KLHL5: variants seen among roughly 807,000 people sequenced by gnomAD.
The protein encoded by KLHL5 is kelch-like protein 5.
Under a neutral mutation model 77.7 loss-of-function variants are expected in KLHL5, and 48 were observed. That is an observed-to-expected ratio of 0.62 (90% CI 0.49 to 0.79). The LOEUF is 0.79. Among genes scored for constraint, KLHL5 ranks in the 30% least tolerant of loss-of-function variants. KLHL5 has a pLI of 0.00. For missense variants in KLHL5, 723 were observed against 859.7 expected (o/e 0.84, Z 1.99); for synonymous variants, 260 against 297.0 (o/e 0.88, Z 1.28).
intron 7 of KLHL5, among the ~76,000 whole-genome samples, chr4:39,105,649 T>C (rs1043125128): frequency 2.0e-5 from 3 of 151,424 alleles, no homozygotes; most frequent in African/African-American, 4.9e-5. Context: ...TTTATATATA[T>C]ACACATATAA....
chr4:39,069,473 TACACACAC>T (rs57779550), intron 1 of KLHL5, among the ~76,000 whole-genome samples: 2 of 70,332 alleles, frequency 2.8e-5, no homozygotes, highest in East Asian at 5.5e-4. Flanking sequence ...TATATATATA[TACACACAC>T]ACACACACAC....
rs1221241554 is a variant in KLHL5, at chr4:39,112,449, A to G, written c.1689-571A>G. ...TGTCCAACTGTTCATTAATGAAACT[A>G]TGTGTCCCAATTCTGCTGCTTACTG... On this transcript the variant is annotated intron_variant, in intron 8 of 10. Transcript: ENST00000504108. Among the ~76,000 whole-genome samples the G allele has an allele frequency of 4.6e-5, 7 of 152,296 alleles. No homozygotes were observed. In the East Asian group the frequency reaches 9.7e-4, roughly 21 times the overall value.
rs1237988458 is a variant in KLHL5, at chr4:39,126,075, G to A, written c.*5009G>A. Among the ~76,000 whole-genome samples the A allele has an allele frequency of 1.3e-5, 2 of 152,094 alleles. No homozygotes were observed. The highest frequency in any genetic ancestry group is 2.4e-5 in the African/African-American group (1 of 41,412). ...CGAGAACCATGAGGGGAGAGTTAAC[G>A]GGGAACTTCCCCACCGTCCGGTACA... is the stretch of plus-strand genomic sequence containing the variant. On this transcript the variant is annotated 3_prime_UTR_variant, in exon 11 of 11. Transcript: ENST00000504108.
At chr4:39,066,343 C>G (rs943018435) in intron 1 of KLHL5, among the ~76,000 whole-genome samples, 1 of 152,042 alleles carries the variant, frequency 6.6e-6, no homozygotes, top group Non-Finnish European at 1.5e-5. Context: ...TTTATACTTC[C>G]CTTGATTTAC....
chr4:39,079,350 C>T (rs910931618), intron 2 of KLHL5, among the ~76,000 whole-genome samples: 1 of 152,154 alleles, frequency 6.6e-6, no homozygotes, highest in Admixed American at 6.5e-5. Flanking sequence ...AAAGTACATG[C>T]AATGGCGTAC....
downstream of KLHL5, among the ~76,000 whole-genome samples, chr4:39,129,126 A>G (rs368636737): frequency 2.0e-5 from 3 of 149,428 alleles, no homozygotes; most frequent in African/African-American, 7.4e-5. This position sits in a 1 kb window ranked among gnomAD's most constrained non-coding sequence, Gnocchi z 4.2. Flanking sequence ...TAAGCGGTCT[A>G]TTTTCTCTTC....
intron 8 of KLHL5, among the ~76,000 whole-genome samples, chr4:39,109,471 G>C (rs567620485): frequency 5.3e-4 from 81 of 151,926 alleles, no homozygotes; most frequent in African/African-American, 1.9e-3. Flanking sequence ...GCTAATTTTT[G>C]TATATTTTGT....
intron 1 of KLHL5, among the ~76,000 whole-genome samples, chr4:39,047,917 C>G (rs982108374): frequency 2.0e-5 from 3 of 152,212 alleles, no homozygotes; most frequent in Admixed American, 2.0e-4. Context: ...TGTGTCACTG[C>G]TGTATGTGCA....
chr4:39,141,434 G>A, the KLHL5 span, among the ~76,000 whole-genome samples: 1 of 149,328 alleles, frequency 6.7e-6, no homozygotes, highest in African/African-American at 2.5e-5. Context: ...TCAGCCTCTC[G>A]AGTAGCTGGG....
chr4:39,050,693 G>A (rs1049597719), intron 1 of KLHL5, among the ~76,000 whole-genome samples: 2 of 152,204 alleles, frequency 1.3e-5, no homozygotes, highest in African/African-American at 4.8e-5. Context: ...TAACAAATTA[G>A]TGTAATTGAC....
chr4:39,103,795 CA>C (rs34699505), intron 7 of KLHL5, among the ~76,000 whole-genome samples: 71,389 of 150,576 alleles, frequency 0.47, 17,733 homozygotes, highest in Admixed American at 0.56. Context: ...AAAGTCTCTA[CA>C]AAAAATTTAA....
upstream of KLHL5, among the ~76,000 whole-genome samples, chr4:39,061,994 G>A (rs12500509): frequency 5.9e-5 from 9 of 152,056 alleles, no homozygotes; most frequent in African/African-American, 2.2e-4. Context: ...TTTGTACTCC[G>A]CTTTCCTCCT....
chr4:39,063,526 A>T (rs1232988044), intron 1 of KLHL5: 1 of 424,182 alleles, frequency 2.4e-6, no homozygotes, highest in Admixed American at 2.4e-5. Context: ...AGTTGTCAAT[A>T]ATATTTTTCT....
At chr4:39,070,073 G>C (rs55746279) in intron 1 of KLHL5, among the ~76,000 whole-genome samples, 25,586 of 152,130 alleles carry the variant, frequency 0.17, 2,671 homozygotes, top group South Asian at 0.35. Context: ...TGGAAAGAAA[G>C]TGACACTTTT....
intron 1 of KLHL5, among the ~76,000 whole-genome samples, chr4:39,069,589 A>G (rs908192116): frequency 6.7e-6 from 1 of 150,002 alleles, no homozygotes; most frequent in Non-Finnish European, 1.5e-5. Flanking sequence ...CCATCAGAAA[A>G]TAGAGATAAG....
intron 5 of KLHL5, chr4:39,093,501 C>T (rs2109450133): frequency 2.2e-6 from 1 of 450,460 alleles, no homozygotes; most frequent in Middle Eastern, 3.4e-4. Flanking sequence ...TAAAATATGC[C>T]CCAATAAAAT....
Position 39,062,796 on chromosome 4 carries a change from C to A in KLHL5, c.144C>A (p.Asn48Lys). ...EFWNRGQTGANGGRKFLDPCS... is the reference protein window; with the variant it reads ...EFWNRGQTGAKGGRKFLDPCS... ...GGAACCGAGGACAGACTGGAGCAAA[C>A]GGTGGGAGAAAGTTTTTAGATCCAT... Residue 48 changes from asparagine (N) to lysine (K), a missense_variant, in exon 1 of 11, where the codon AAC (asparagine) becomes AAA (lysine). By Grantham distance (94) the Asn-to-Lys change is moderately conservative (BLOSUM62 0). This residue lies in a region of KLHL5 where 221 missense variants were observed against 222.1 expected (regional missense o/e 1.00). Transcript: ENST00000504108. The A allele has an allele frequency of 6.2e-7, 1 of 1,614,102 alleles. No individual in the cohort carries two copies. Among genetic ancestry groups the A allele is most frequent in the Non-Finnish European group, 8.5e-7 (1 of 1,179,990 alleles).
At chr4:39,136,351 G>T in the KLHL5 span, among the ~76,000 whole-genome samples, 19 of 152,150 alleles carry the variant, frequency 1.2e-4, no homozygotes, top group Non-Finnish European at 2.1e-4. Context: ...GTAGAGACGC[G>T]GTTTCACCAT....
the KLHL5 span, among the ~76,000 whole-genome samples, chr4:39,137,462 A>T: frequency 1.3e-5 from 2 of 152,110 alleles, no homozygotes; most frequent in African/African-American, 4.8e-5. Context: ...CTCTACAAAA[A>T]ATAAATAAAA....
Sources: allele counts gnomAD v4.1 joint callset (sites outside exome capture counted in the v4.1 genomes callset), GRCh38; gene constraint gnomAD v4.1.1; regional missense constraint gnomAD v4.1.1; non-coding constraint Gnocchi (gnomAD v3.1); transcripts MANE v1.5; gene names NCBI Gene and HGNC (gene_info 2026-07-23, HGNC 2026-07-21).